The following CTNNA3 variants were observed in gnomAD, a reference collection of about 807,000 sequenced individuals.
The protein encoded by CTNNA3 is catenin alpha-3.
Under a neutral mutation model 95.7 loss-of-function variants are expected in CTNNA3, and 76 were observed. The observed-to-expected ratio is 0.79, with a 90% CI of 0.66 to 0.96. The LOEUF (loss-of-function observed/expected upper bound fraction) is 0.96. CTNNA3 is among the 40% of genes least tolerant of loss of function. The pLI is 0.00. For missense variants in CTNNA3, 1,191 were observed against 1,089.8 expected (o/e 1.09, Z -1.31); for synonymous variants, 431 against 374.4 (o/e 1.15, Z -1.74).
chr10:67,281,508 C>T (rs79001829), intron 5 of CTNNA3, among the ~76,000 whole-genome samples: 6,812 of 152,194 alleles, frequency 0.045, 207 homozygotes, highest in South Asian at 0.1. Context: ...AAAAAATGCA[C>T]AGCACTGCTT....
intron 7 of CTNNA3, among the ~76,000 whole-genome samples, chr10:66,985,861 G>T (rs1850701101): frequency 6.6e-6 from 1 of 151,960 alleles, no homozygotes; most frequent in African/African-American, 2.4e-5. Flanking sequence ...CCAAGTAACT[G>T]GGATTACAGG....
chr10:66,450,469 A>C (rs892753955), intron 11 of CTNNA3, among the ~76,000 whole-genome samples: 1 of 152,192 alleles, frequency 6.6e-6, no homozygotes, highest in Middle Eastern at 3.4e-3. Flanking sequence ...ATACAGCAAA[A>C]CACTAAGCAT....
intron 10 of CTNNA3, among the ~76,000 whole-genome samples, chr10:66,530,777 C>T (rs937467776): frequency 3.9e-5 from 6 of 152,028 alleles, no homozygotes; most frequent in Admixed American, 1.3e-4. Flanking sequence ...ATCACTCACA[C>T]GGAAACTTCT....
At chr10:67,267,018 C>T (rs943433970) in intron 5 of CTNNA3, among the ~76,000 whole-genome samples, 1 of 152,042 alleles carries the variant, frequency 6.6e-6, no homozygotes, top group Non-Finnish European at 1.5e-5. Context: ...TCTGGGCATG[C>T]TTTTTTACTT....
At chr10:66,230,998 A>C (rs1246073927) in intron 13 of CTNNA3, among the ~76,000 whole-genome samples, 2 of 152,202 alleles carry the variant, frequency 1.3e-5, no homozygotes, top group Non-Finnish European at 2.9e-5. Flanking sequence ...GGGAAGAATA[A>C]ACTCAGGTGG....
intron 5 of CTNNA3, among the ~76,000 whole-genome samples, chr10:67,290,805 A>G (rs960710189): frequency 5.3e-5 from 8 of 152,208 alleles, no homozygotes; most frequent in African/African-American, 1.9e-4. Context: ...ATATCAATTA[A>G]GCACTCTGAT....
chr10:67,367,967 T>C (rs1163293948), intron 5 of CTNNA3, among the ~76,000 whole-genome samples: 1 of 152,136 alleles, frequency 6.6e-6, no homozygotes, highest in African/African-American at 2.4e-5. Context: ...GGTTTAATTG[T>C]ATCCCAAATC....
intron 7 of CTNNA3, among the ~76,000 whole-genome samples, chr10:66,853,638 C>T (rs180801568): frequency 3.9e-5 from 6 of 152,112 alleles, no homozygotes; most frequent in South Asian, 4.1e-4. Flanking sequence ...CTAATAAGTA[C>T]GAAGTGGTGA....
chr10:66,643,754 T>C (rs1306483448), intron 9 of CTNNA3, among the ~76,000 whole-genome samples: 3 of 152,222 alleles, frequency 2.0e-5, no homozygotes, highest in Non-Finnish European at 4.4e-5. Flanking sequence ...CCTCACAAAT[T>C]CAAAATTGAC....
At chr10:67,254,212 C>T (rs545972770) in intron 5 of CTNNA3, among the ~76,000 whole-genome samples, 2 of 151,676 alleles carry the variant, frequency 1.3e-5, no homozygotes, top group East Asian at 1.9e-4. Flanking sequence ...AAGTGGCCCC[C>T]GAGACTCACT....
intron 10 of CTNNA3, among the ~76,000 whole-genome samples, chr10:66,544,498 A>G (rs1841976576): frequency 6.6e-6 from 1 of 152,196 alleles, no homozygotes; most frequent in African/African-American, 2.4e-5. Flanking sequence ...TGAGTATTTT[A>G]ATAAATGTGG....
At chr10:66,560,173 A>G (rs1226589690) in intron 10 of CTNNA3, among the ~76,000 whole-genome samples, 1 of 152,108 alleles carries the variant, frequency 6.6e-6, no homozygotes, top group African/African-American at 2.4e-5. Context: ...TGGTCATAAT[A>G]AAAACTCCTT....
intron 5 of CTNNA3, among the ~76,000 whole-genome samples, chr10:67,268,510 C>T (rs1440593975): frequency 1.3e-5 from 2 of 151,996 alleles, no homozygotes; most frequent in Non-Finnish European, 2.9e-5. Flanking sequence ...GGAGACCCAG[C>T]CTCTGAACAA....
intron 11 of CTNNA3, among the ~76,000 whole-genome samples, chr10:66,443,492 G>A (rs575846192): frequency 6.6e-5 from 10 of 152,172 alleles, no homozygotes; most frequent in East Asian, 1.9e-4. Context: ...CAGCATTTGC[G>A]GGTCACCAAA....
intron 12 of CTNNA3, among the ~76,000 whole-genome samples, chr10:66,303,503 C>CT (rs1259181341): frequency 6.6e-6 from 1 of 150,656 alleles, no homozygotes; most frequent in Admixed American, 6.6e-5. Flanking sequence ...GGTAAAAAAA[C>CT]TTTTTTATTT....
intron 1 of CTNNA3, among the ~76,000 whole-genome samples, chr10:67,731,672 G>C (rs1841275094): frequency 6.6e-6 from 1 of 151,098 alleles, no homozygotes; most frequent in Non-Finnish European, 1.5e-5. Context: ...CGTGGTGGTG[G>C]GCGCCTGTAG....
intron 7 of CTNNA3, among the ~76,000 whole-genome samples, chr10:66,784,044 G>A (rs1840644774): frequency 1.3e-5 from 2 of 152,178 alleles, no homozygotes; most frequent in South Asian, 2.1e-4. Flanking sequence ...AGACTTCCAC[G>A]ATTCTGGTTA....
chr10:66,096,992 T>C (rs1176651267), intron 14 of CTNNA3, among the ~76,000 whole-genome samples: 1 of 152,168 alleles, frequency 6.6e-6, no homozygotes, highest in Non-Finnish European at 1.5e-5. Flanking sequence ...TGACAACTAT[T>C]GGGTCAACTT....
At chr10:66,905,860 A>G (rs1367283110) in intron 7 of CTNNA3, among the ~76,000 whole-genome samples, 1 of 152,192 alleles carries the variant, frequency 6.6e-6, no homozygotes, top group Non-Finnish European at 1.5e-5. Context: ...GCTTTTTAAT[A>G]GCTATAAAGA....
Sources: allele counts gnomAD v4.1 joint callset (sites outside exome capture counted in the v4.1 genomes callset), GRCh38; gene constraint gnomAD v4.1.1; transcripts MANE v1.5; gene names NCBI Gene and HGNC (gene_info 2026-07-23, HGNC 2026-07-21).